The following AGBL1 variants were observed in gnomAD, a reference collection of about 807,000 sequenced individuals.
AGBL1 encodes AGBL carboxypeptidase 1.
Under a neutral mutation model 118.9 loss-of-function variants are expected in AGBL1, and 130 were observed. The observed-to-expected ratio is 1.09, with a 90% CI of 0.95 to 1.26. AGBL1 has a LOEUF of 1.26. Among genes scored for constraint, AGBL1 ranks in the 50% most tolerant of loss-of-function variants. AGBL1 has a pLI of 0.00. For synonymous variants in AGBL1, 555 were observed against 478.9 expected, an observed-to-expected ratio of 1.16 and a Z score of -2.08; for missense variants, 1,584 against 1,298.1, an observed-to-expected ratio of 1.22 and a Z score of -3.38.
intron 1 of AGBL1, among the ~76,000 whole-genome samples, chr15:86,093,341 C>A (rs1896155310): frequency 6.6e-6 from 1 of 152,074 alleles, no homozygotes; most frequent in African/African-American, 2.4e-5. Flanking sequence ...TCATATGAGG[C>A]CCTGTATTAA....
At chr15:86,894,246 T>C (rs980208165) in intron 22 of AGBL1, among the ~76,000 whole-genome samples, 3 of 152,230 alleles carry the variant, frequency 2.0e-5, no homozygotes, top group Non-Finnish European at 4.4e-5. Context: ...TGCTATTTTC[T>C]TTCATTTATA....
chr15:86,196,040 T>C (rs936519910), intron 5 of AGBL1, among the ~76,000 whole-genome samples: 20 of 152,184 alleles, frequency 1.3e-4, no homozygotes, highest in African/African-American at 4.6e-4. Flanking sequence ...TTAAAAACCA[T>C]AGGATATCTG....
At chr15:86,647,251 C>A (rs960680493) in intron 21 of AGBL1, among the ~76,000 whole-genome samples, 1 of 151,618 alleles carries the variant, frequency 6.6e-6, no homozygotes, top group South Asian at 2.1e-4. Context: ...TAGAAATGGA[C>A]AATAAAACAT....
chr15:86,202,260 T>C (rs999584172), intron 5 of AGBL1, among the ~76,000 whole-genome samples: 4 of 152,112 alleles, frequency 2.6e-5, no homozygotes, highest in Admixed American at 1.3e-4. Context: ...GCCACTACAC[T>C]TCAGCCTGGG....
At position 86,258,032 on chromosome 15, in the gene AGBL1, G is replaced by T; in HGVS notation, c.969+1G>T. On this transcript the variant is annotated splice_donor_variant, in intron 9 of 22. Coordinates refer to ENST00000614907, the MANE Select transcript of AGBL1 (RefSeq NM_001386094.1). LOFTEE classifies it high-confidence loss of function. ...TGATACTGAAGATGGGAAAGTGGAA[G>T]TAGGTACACCAGCCCATGCTTCTAA... The T allele has an allele frequency of 1.9e-6, 3 of 1,613,448 alleles. No homozygotes were observed. The highest frequency in any genetic ancestry group is 2.5e-6 in the Non-Finnish European group (3 of 1,179,626).
At chr15:86,782,213 T>C (rs1372704791) in intron 22 of AGBL1, among the ~76,000 whole-genome samples, 1 of 152,166 alleles carries the variant, frequency 6.6e-6, no homozygotes, top group Non-Finnish European at 1.5e-5. Flanking sequence ...CCTTGACTCA[T>C]TTCAAAATCT....
Position 86,613,646 on chromosome 15 carries a change from A to C in AGBL1, c.2994+59109A>C, listed in dbSNP as rs1410038900. Among the ~76,000 whole-genome samples the C allele has an allele frequency of 6.6e-6, 1 of 152,174 alleles. No individual in the cohort carries two copies. The highest frequency in any genetic ancestry group is 1.5e-5 in the Non-Finnish European group (1 of 68,020). ...TTACCAGCTACCTAAAGAAGGCATGACGTTTCCCAGAAAGAGGGCATTTTC... is the reference window on the plus strand; with the variant it reads ...TTACCAGCTACCTAAAGAAGGCATGCCGTTTCCCAGAAAGAGGGCATTTTC... On this transcript the variant is annotated intron_variant, in intron 21 of 22. Transcript: ENST00000614907. The surrounding 1 kb of genome is among the most constrained non-coding windows in gnomAD (Gnocchi z 4.2).
At chr15:86,248,194 A>G (rs1049303892) in intron 7 of AGBL1, among the ~76,000 whole-genome samples, 3 of 152,118 alleles carry the variant, frequency 2.0e-5, no homozygotes, top group African/African-American at 7.2e-5. Context: ...TTGCACACCT[A>G]TAGTCCCAGT....
chr15:86,612,660 G>A (rs187312429), intron 21 of AGBL1, among the ~76,000 whole-genome samples: 99 of 152,268 alleles, frequency 6.5e-4, no homozygotes, highest in African/African-American at 2.0e-3. Flanking sequence ...TTTCTTTGAC[G>A]TATTTTGAAA....
At chr15:87,006,418 C>G (rs1180177980) in intron 24 of AGBL1, among the ~76,000 whole-genome samples, 1 of 152,186 alleles carries the variant, frequency 6.6e-6, no homozygotes, top group Non-Finnish European at 1.5e-5. Flanking sequence ...AGCCTCGCTG[C>G]TGCCTTGCAG....
chr15:86,125,513 G>A (rs1223392041), intron 1 of AGBL1, among the ~76,000 whole-genome samples: 1 of 152,160 alleles, frequency 6.6e-6, no homozygotes, highest in Non-Finnish European at 1.5e-5. Context: ...TTCATCCATG[G>A]CTAAATGTAT....
chr15:86,168,908 TG>T (rs2141743858), intron 5 of AGBL1, among the ~76,000 whole-genome samples: 1 of 152,370 alleles, frequency 6.6e-6, no homozygotes, highest in East Asian at 1.9e-4. Context: ...ATTTCCTCTT[TG>T]TGAATTACAT....
At position 86,823,352 on chromosome 15, in the gene AGBL1, G is replaced by A. The variant is rs189029102; in HGVS notation, c.3159-83735G>A. ...TCCCCAAATTCTCTTGAGTTCCTCA[G>A]GCCAGTAGAAGTAACCCCCTCTCAA... On this transcript the variant is annotated intron_variant, in intron 22 of 22. Coordinates refer to ENST00000614907, the MANE Select transcript of AGBL1 (RefSeq NM_001386094.1). Among the ~76,000 whole-genome samples, 97 of 152,236 alleles carry A rather than the reference G, an allele frequency of 6.4e-4. 1 individual carries two copies. The East Asian group carries it at 0.015, about 24-fold the overall frequency.
chr15:86,685,325 A>T (rs1215771346), intron 22 of AGBL1, among the ~76,000 whole-genome samples: 5 of 152,152 alleles, frequency 3.3e-5, no homozygotes, highest in Admixed American at 1.3e-4. Flanking sequence ...CGGTCATGTG[A>T]TAGCTCATCA....
intron 23 of AGBL1, among the ~76,000 whole-genome samples, chr15:86,955,682 AAAT>A (rs2080922530): frequency 6.6e-6 from 1 of 152,156 alleles, no homozygotes; most frequent in Non-Finnish European, 1.5e-5. Flanking sequence ...AGGTACTATG[AAAT>A]ATACATGATT....
intron 23 of AGBL1, among the ~76,000 whole-genome samples, chr15:86,960,119 A>G (rs1425391309): frequency 1.3e-5 from 2 of 152,148 alleles, no homozygotes; most frequent in African/African-American, 2.4e-5. Context: ...AAATGTAACA[A>G]AAATGCAGGG....
chr15:86,740,048 C>A (rs1311230780), intron 22 of AGBL1, among the ~76,000 whole-genome samples: 1 of 152,194 alleles, frequency 6.6e-6, no homozygotes, highest in East Asian at 1.9e-4. Context: ...AAAATAACCT[C>A]ACTTTAAAGA....
At chr15:86,948,417 T>A (rs1266432713) in intron 23 of AGBL1, among the ~76,000 whole-genome samples, 1 of 152,122 alleles carries the variant, frequency 6.6e-6, no homozygotes, top group Non-Finnish European at 1.5e-5. Flanking sequence ...ATTGGTAAAT[T>A]AGAAGATAAA....
intron 18 of AGBL1, among the ~76,000 whole-genome samples, chr15:86,453,298 C>T (rs575695910): frequency 6.6e-6 from 1 of 152,174 alleles, no homozygotes; most frequent in Non-Finnish European, 1.5e-5. Flanking sequence ...TTCCCACCAG[C>T]CATTCATATT....
Sources: gnomAD v4.1 joint callset for allele counts (sites outside exome capture counted in the v4.1 genomes callset) on GRCh38, gnomAD v4.1.1 for gene constraint, Gnocchi (gnomAD v3.1) non-coding constraint, MANE v1.5 for transcripts, NCBI Gene and HGNC (gene_info 2026-07-23, HGNC 2026-07-21) for gene names.